The following BRD9 variants were observed in gnomAD, a reference collection of about 807,000 sequenced individuals.
BRD9 encodes the protein bromodomain containing 9.
Under a neutral mutation model 68.7 loss-of-function variants are expected in BRD9, and 47 were observed. The observed-to-expected ratio is 0.68, with a 90% CI of 0.54 to 0.87. The LOEUF (loss-of-function observed/expected upper bound fraction) is 0.87, where lower values mean the gene tolerates loss of function less well. Ranked by LOEUF, BRD9 falls within the 40% of genes least tolerant of loss-of-function variation. BRD9 has a pLI of 0.00. For missense variants in BRD9, 670 were observed against 748.4 expected (o/e 0.90, Z 1.22); for synonymous variants, 313 against 293.9 (o/e 1.06, Z -0.67).
chr5:883,227 T>C (rs942753800), intron 8 of BRD9: 6 of 430,754 alleles, frequency 1.4e-5, no homozygotes, highest in Non-Finnish European at 2.3e-5. Context: ...CCATCCCATG[T>C]GCATTTTGAA....
intron 13 of BRD9, 110 bp downstream of exon 13, chr5:871,416 C>T: frequency 1.1e-6 from 1 of 949,736 alleles, no homozygotes; most frequent in African/African-American, 1.6e-5. Flanking sequence ...CAGAAACGGA[C>T]TCCATTTCTA....
chr5:865,508 G>T lies in BRD9; in HGVS notation c.1599C>A (p.Asp533Glu). 3 of 1,608,344 alleles carry T rather than the reference G, an allele frequency of 1.9e-6. No homozygotes were observed. The highest frequency in any genetic ancestry group is 2.5e-6 in the Non-Finnish European group (3 of 1,179,196). ...NLDETTKLLQ[D>E]LHEAQAERGG... ...CGCGCTCCGCCTGTGCTTCGTGCAG[G>T]TCCTGCAGGAGCTTCGTCGTCTCAT... The change falls in exon 15 of 16, where the codon GAC becomes GAA. Residue 533 changes from aspartate to glutamate, a missense_variant. Physicochemically the swap from Asp to Glu is conservative, Grantham distance 45 (BLOSUM62 2). Around this residue, in one of 5 missense-constraint regions of BRD9, gnomAD observed 280 missense variants for 281.5 expected, o/e 0.99. Coordinates refer to ENST00000467963, the MANE Select transcript of BRD9 (RefSeq NM_023924.5).
chr5:884,916 G>A (rs948609298), intron 7 of BRD9, among the ~76,000 whole-genome samples: 5 of 152,240 alleles, frequency 3.3e-5, no homozygotes, highest in East Asian at 1.9e-4. Context: ...AGCTCGGCAC[G>A]CTCTCCTGCC....
intron 1 of BRD9, 197 bp downstream of exon 1, chr5:892,409 G>T: frequency 7.9e-7 from 1 of 1,262,940 alleles, no homozygotes; most frequent in Non-Finnish European, 1.0e-6. Flanking sequence ...TACCAGGAAC[G>T]TAAGCGCCTA....
intron 4 of BRD9, 88 bp from the exon 5 acceptor site, chr5:889,253 C>A: frequency 7.3e-7 from 1 of 1,371,320 alleles, no homozygotes; most frequent in Non-Finnish European, 9.9e-7. Context: ...ATACAACTGA[C>A]CGAATTTTGT....
chr5:868,033 A>C (rs1180650545), intron 14 of BRD9, among the ~76,000 whole-genome samples: 3 of 152,104 alleles, frequency 2.0e-5, no homozygotes, highest in African/African-American at 4.8e-5. Flanking sequence ...GTCCTGGTGG[A>C]AGGTGATTGG....
At chr5:892,328 G>A (rs569801698) in intron 1 of BRD9, 1 of 675,406 alleles carries the variant, frequency 1.5e-6, no homozygotes, top group East Asian at 3.4e-5. Context: ...CCACACAAAA[G>A]CCAGCACAGA....
intron 4 of BRD9, among the ~76,000 whole-genome samples, 169 bp from the exon 5 acceptor site, chr5:889,334 T>A (rs1753011290): frequency 6.6e-6 from 1 of 152,068 alleles, no homozygotes; most frequent in Non-Finnish European, 1.5e-5. Context: ...TAATAAAAAT[T>A]CCCCCAACGC....
intron 14 of BRD9, among the ~76,000 whole-genome samples, chr5:868,225 C>T (rs1417960470): frequency 1.3e-5 from 2 of 152,236 alleles, no homozygotes; most frequent in African/African-American, 4.8e-5. Flanking sequence ...TGCCTCCCAG[C>T]CATGCCTCCC....
At chr5:881,527 T>C in intron 8 of BRD9, 1 of 372,806 alleles carries the variant, frequency 2.7e-6, no homozygotes, top group Non-Finnish European at 5.0e-6. Context: ...GGCAGGCGGC[T>C]CCAGCCCTCA....
Position 864,578 on chromosome 5 carries a change from T to G in BRD9, c.1694-10A>C. On this transcript the variant is annotated splice_polypyrimidine_tract_variant and intron_variant, in intron 15 of 15. Coordinates refer to ENST00000467963, the MANE Select transcript of BRD9 (RefSeq NM_023924.5). ...AGGCGAGAAGGGCTTCCTGCAATTT[T>G]CAGAACACAGGACTTCAACACACAG... 1.9e-6 allele frequency: 3 copies of G among 1,612,342 alleles called. No homozygotes were observed. The South Asian group carries it at 3.3e-5, about 18-fold the overall frequency.
At chr5:870,314 C>T in intron 14 of BRD9, 159 bp downstream of exon 14, 1 of 613,192 alleles carries the variant, frequency 1.6e-6, no homozygotes, top group Non-Finnish European at 2.9e-6. Flanking sequence ...ATTTTAGGAG[C>T]TATGGTCCAA....
intron 14 of BRD9, among the ~76,000 whole-genome samples, chr5:867,453 G>T (rs549199024): frequency 6.6e-6 from 1 of 152,218 alleles, no homozygotes; most frequent in East Asian, 1.9e-4. Context: ...TGGTAGATCC[G>T]ACAGCTTGCA....
chr5:871,871 A>C (rs1272458203), intron 12 of BRD9, among the ~76,000 whole-genome samples: 2 of 152,268 alleles, frequency 1.3e-5, no homozygotes, highest in African/African-American at 4.8e-5. Flanking sequence ...TGGGTGGCTT[A>C]AAACAAAAGA....
intron 7 of BRD9, 46 bp from the exon 8 acceptor site, chr5:884,116 C>T (rs753233432): frequency 3.8e-6 from 6 of 1,596,926 alleles, no homozygotes; most frequent in African/African-American, 1.3e-5. Flanking sequence ...GCGTCCCCAC[C>T]GCACACCTGC....
rs116659951 is a variant in BRD9, at chr5:867,879, G to A, written c.1526-2298C>T. 4.1e-3 allele frequency among the ~76,000 whole-genome samples: 630 copies of A among 152,328 alleles called. 4 individuals carry two copies. The highest frequency in any genetic ancestry group is 0.036 in the South Asian group (176 of 4,824). ...ATGCTGGAATGAGTTAAGACTTTAG[G>A]GGACTGTTAGGAAGGCATGATTGTG... On this transcript the variant is annotated intron_variant, in intron 14 of 15. Coordinates refer to ENST00000467963, the MANE Select transcript of BRD9 (RefSeq NM_023924.5).
chr5:880,980 G>C (rs923714209), intron 9 of BRD9, 127 bp downstream of exon 9: 18 of 946,124 alleles, frequency 1.9e-5, no homozygotes, highest in Non-Finnish European at 2.9e-5. Context: ...TGCGAGCAAG[G>C]TCGGGAAGCC....
intron 12 of BRD9, among the ~76,000 whole-genome samples, chr5:874,859 C>A (rs983933739): frequency 6.6e-6 from 1 of 152,198 alleles, no homozygotes; most frequent in African/African-American, 2.4e-5. Context: ...CAGCCTGGTG[C>A]GGCAGCACAG....
At chr5:891,457 AG>A in intron 2 of BRD9, 170 bp from the exon 3 acceptor site, 1 of 1,304,510 alleles carries the variant, frequency 7.7e-7, no homozygotes, top group Non-Finnish European at 1.0e-6. Flanking sequence ...GGGTCTGCTG[AG>A]GAACAGCACA....
Sources: allele counts gnomAD v4.1 joint callset (sites outside exome capture counted in the v4.1 genomes callset), GRCh38; gene constraint gnomAD v4.1.1; regional missense constraint gnomAD v4.1.1; transcripts MANE v1.5; gene names NCBI Gene and HGNC (gene_info 2026-07-23, HGNC 2026-07-21).